ARHGAP18: variants seen among roughly 807,000 people sequenced by gnomAD.
ARHGAP18 encodes Rho GTPase activating protein 18, also known as rho GTPase-activating protein 18.
In ARHGAP18, 67 loss-of-function variants were observed where a neutral mutation model predicts 86.2. That is an observed-to-expected ratio of 0.78 (90% CI 0.64 to 0.95). The LOEUF is 0.95. Among genes scored for constraint, ARHGAP18 ranks in the 40% least tolerant of loss-of-function variants. The pLI is 0.00. For missense variants in ARHGAP18, 691 were observed against 780.4 expected, an observed-to-expected ratio of 0.89 and a Z score of 1.37; for synonymous variants, 283 against 280.4, an observed-to-expected ratio of 1.01 and a Z score of -0.09.
At chr6:129,597,488 C>T (rs980433730) in intron 12 of ARHGAP18, among the ~76,000 whole-genome samples, 20 of 152,116 alleles carry the variant, frequency 1.3e-4, no homozygotes, top group African/African-American at 4.6e-4. Flanking sequence ...TTTCACATCT[C>T]AGCTTGACTC....
At chr6:129,646,325 G>C (rs1360242289) in intron 1 of ARHGAP18, among the ~76,000 whole-genome samples, 3 of 152,132 alleles carry the variant, frequency 2.0e-5, no homozygotes, top group Admixed American at 1.3e-4. Flanking sequence ...TCTTACTGAA[G>C]TGCCTCATAG....
At chr6:129,623,285 C>A (rs1256202465) in intron 5 of ARHGAP18, among the ~76,000 whole-genome samples, 1 of 152,130 alleles carries the variant, frequency 6.6e-6, no homozygotes. Flanking sequence ...TGTCAAGTTA[C>A]CTCTCTAACA....
At chr6:129,694,497 C>T (rs1774581392) in intron 1 of ARHGAP18, among the ~76,000 whole-genome samples, 1 of 152,192 alleles carries the variant, frequency 6.6e-6, no homozygotes, top group Admixed American at 6.5e-5. Flanking sequence ...AACACTGAAA[C>T]TGTGCCACTT....
intron 3 of ARHGAP18, among the ~76,000 whole-genome samples, chr6:129,637,079 T>G (rs554392443): frequency 3.4e-4 from 52 of 151,756 alleles, no homozygotes; most frequent in East Asian, 3.9e-4. Flanking sequence ...TGTTGTTGTT[T>G]TTTGAGATGG....
intron 4 of ARHGAP18, among the ~76,000 whole-genome samples, chr6:129,631,700 C>A (rs1166427277): frequency 6.6e-6 from 1 of 151,392 alleles, no homozygotes; most frequent in Non-Finnish European, 1.5e-5. Context: ...TCCAAAATAT[C>A]CTGAAATGCC....
At chr6:129,665,774 T>C (rs1400236383) in intron 1 of ARHGAP18, among the ~76,000 whole-genome samples, 1 of 152,132 alleles carries the variant, frequency 6.6e-6, no homozygotes, top group Non-Finnish European at 1.5e-5. Flanking sequence ...CTTGATTAAA[T>C]TGCTTAACCT....
intron 4 of ARHGAP18, among the ~76,000 whole-genome samples, chr6:129,629,936 C>A (rs1458172505): frequency 1.3e-5 from 2 of 152,106 alleles, no homozygotes; most frequent in Non-Finnish European, 1.5e-5. Flanking sequence ...AGTAATTTAC[C>A]ATTTAATTAA....
At position 129,641,980 on chromosome 6, in the gene ARHGAP18, G is replaced by T. The variant is rs779881431; in HGVS notation, c.152C>A (p.Thr51Asn). 1.9e-6 allele frequency: 3 copies of T among 1,613,940 alleles called. No homozygotes were observed. The highest frequency in any genetic ancestry group is 2.5e-6 in the Non-Finnish European group (3 of 1,179,916). ...AGGCTTCTCCATAACTTTGATGGTG[G>T]TGCTTTCCTGGTTCATAGTGTACTG... is the stretch of plus-strand genomic sequence containing the variant. ...YGQYTMNQES[T>N]TIKVMEKPPF... Residue 51 changes from threonine to asparagine, a missense_variant, in exon 2 of 15, where the codon ACC (threonine) becomes AAC (asparagine). Thr to Asn is a moderately conservative substitution (Grantham distance 65). Coordinates refer to ENST00000368149, the MANE Select transcript of ARHGAP18 (RefSeq NM_033515.3).
At chr6:129,709,981 A>C in intron 1 of ARHGAP18, 43 bp downstream of exon 1, 1 of 1,472,756 alleles carries the variant, frequency 6.8e-7, no homozygotes, top group Non-Finnish European at 9.5e-7. Context: ...TTCCTGGAGC[A>C]GGTAAGAGGG....
Position 129,638,612 on chromosome 6 carries a change from C to A in ARHGAP18, c.334G>T (p.Glu112Ter). The change falls in exon 3 of 15, where the codon GAG becomes TAG. Residue 112 changes from glutamate (E) to a stop codon, truncating the protein, a stop_gained. Coordinates refer to ENST00000368149, the MANE Select transcript of ARHGAP18 (RefSeq NM_033515.3). LOFTEE classifies it high-confidence loss of function. ...KEPDEGELEE[E>*]WLKEAGLSNL... ...GATAAACCGGCCTCTTTAAGCCACT[C>A]TTCTTCCAATTCTCCCTCTAAGACA... The A allele has an allele frequency of 1.2e-6, 2 of 1,614,058 alleles. No individual in the cohort carries two copies. Among genetic ancestry groups the A allele is most frequent in the Non-Finnish European group, 1.7e-6 (2 of 1,179,986 alleles).
intron 1 of ARHGAP18, among the ~76,000 whole-genome samples, chr6:129,673,063 C>T (rs1053038923): frequency 5.9e-5 from 9 of 152,184 alleles, no homozygotes; most frequent in African/African-American, 1.9e-4. Flanking sequence ...CTTTTGAATA[C>T]ACCAATGACT....
chr6:129,618,983 C>T, intron 5 of ARHGAP18, 131 bp from the exon 6 acceptor site: 1 of 836,426 alleles, frequency 1.2e-6, no homozygotes, highest in Non-Finnish European at 1.8e-6. Flanking sequence ...AGAATTTCTC[C>T]AGTCAGAATG....
intron 5 of ARHGAP18, among the ~76,000 whole-genome samples, chr6:129,628,302 T>G (rs1773087040): frequency 6.6e-6 from 1 of 152,072 alleles, no homozygotes; most frequent in Admixed American, 6.6e-5. Context: ...GAAGAAGCAA[T>G]TACGGAAGAC....
In ARHGAP18 at chr6:129,608,559, A is replaced by C. The variant is rs558556923; in HGVS notation, c.1123-507T>G. 4.6e-3 allele frequency among the ~76,000 whole-genome samples: 695 copies of C among 152,304 alleles called. 5 individuals are homozygous for C. The highest frequency in any genetic ancestry group is 5.4e-3 in the Non-Finnish European group (365 of 68,018). ...GGAAAACCCAATTTTATAGTAAACGAGGCAAGAAAATACATCAATATACCT... is the reference window on the plus strand; with the variant it reads ...GGAAAACCCAATTTTATAGTAAACGCGGCAAGAAAATACATCAATATACCT... On this transcript the variant is annotated intron_variant, in intron 8 of 14. Transcript: ENST00000368149.
chr6:129,698,624 C>A (rs1364759693), intron 1 of ARHGAP18, among the ~76,000 whole-genome samples: 1 of 151,218 alleles, frequency 6.6e-6, no homozygotes, highest in Non-Finnish European at 1.5e-5. Flanking sequence ...CTAACTGCAA[C>A]CTCCATTTCA....
At chr6:129,625,823 TTA>T (rs1190383815) in intron 5 of ARHGAP18, among the ~76,000 whole-genome samples, 23 of 82,238 alleles carry the variant, frequency 2.8e-4, no homozygotes, top group Non-Finnish European at 3.6e-4. Context: ...TATTTATATA[TTA>T]TATATTATAC....
intron 9 of ARHGAP18, 114 bp downstream of exon 9, chr6:129,607,779 A>G: frequency 2.5e-6 from 3 of 1,188,442 alleles, no homozygotes; most frequent in Non-Finnish European, 3.4e-6. Flanking sequence ...CAGTTGAGTC[A>G]ATATGTCCAC....
chr6:129,593,521 G>A (rs186165447), intron 12 of ARHGAP18, among the ~76,000 whole-genome samples: 3 of 152,190 alleles, frequency 2.0e-5, no homozygotes, highest in Admixed American at 1.3e-4. Context: ...TGAACTTCTG[G>A]TTAAACACCA....
At chr6:129,625,037 T>TTA (rs199764057) in intron 5 of ARHGAP18, among the ~76,000 whole-genome samples, 19,696 of 58,016 alleles carry the variant, frequency 0.34, 5,370 homozygotes, top group African/African-American at 0.58. Context: ...TGATATATAT[T>TTA]TATATAATAT....
Sources: gnomAD v4.1 joint callset for allele counts (sites outside exome capture counted in the v4.1 genomes callset) on GRCh38, gnomAD v4.1.1 for gene constraint, MANE v1.5 for transcripts, NCBI Gene and HGNC (gene_info 2026-07-23, HGNC 2026-07-21) for gene names.